The following HS3ST4 variants were observed in gnomAD, a reference collection of about 807,000 sequenced individuals.
HS3ST4 encodes heparan sulfate glucosamine 3-O-sulfotransferase 4.
Under a neutral mutation model 29.2 loss-of-function variants are expected in HS3ST4, and 17 were observed. That is an observed-to-expected ratio of 0.58 (90% CI 0.40 to 0.87). The LOEUF (loss-of-function observed/expected upper bound fraction) is 0.87. HS3ST4 is among the 40% of genes least tolerant of loss of function. HS3ST4 has a pLI of 0.00. For missense variants in HS3ST4, 627 were observed against 634.5 expected (o/e 0.99, Z 0.13); for synonymous variants, 314 against 285.7 (o/e 1.10, Z -1.00).
chr16:25,711,799 G>T (rs1420373418), intron 1 of HS3ST4, among the ~76,000 whole-genome samples: 1 of 152,172 alleles, frequency 6.6e-6, no homozygotes, highest in East Asian at 1.9e-4. Context: ...TTTATTTATT[G>T]CTTCATTTTT....
rs561094295 is a variant in HS3ST4, at chr16:25,991,838, G to A, written c.735-143774G>A. Among the ~76,000 whole-genome samples the A allele has an allele frequency of 1.2e-4, 18 of 152,270 alleles. No individual in the cohort carries two copies. In the South Asian group the frequency reaches 3.3e-3, roughly 28 times the overall value. The stretch of plus-strand genomic sequence containing the variant: ...AGATCAAGACCATCCTGGCTAACAC[G>A]GTGAAACCCCGTCTCTACTAAAAAT... On this transcript the variant is annotated intron_variant, in intron 1 of 1. Coordinates refer to ENST00000331351, the MANE Select transcript of HS3ST4 (RefSeq NM_006040.3).
intron 1 of HS3ST4, among the ~76,000 whole-genome samples, chr16:25,873,719 T>G (rs1166013959): frequency 2.0e-5 from 3 of 151,402 alleles, no homozygotes; most frequent in African/African-American, 7.3e-5. Flanking sequence ...TGTCCATCTA[T>G]CCATCCATCC....
At chr16:25,953,157 T>G (rs1968697716) in intron 1 of HS3ST4, among the ~76,000 whole-genome samples, 1 of 152,146 alleles carries the variant, frequency 6.6e-6, no homozygotes, top group Non-Finnish European at 1.5e-5. Flanking sequence ...CTCCCAGGAT[T>G]GGAGAGAGTG....
intron 1 of HS3ST4, among the ~76,000 whole-genome samples, chr16:26,039,969 T>G (rs967484832): frequency 3.3e-5 from 5 of 152,308 alleles, no homozygotes; most frequent in African/African-American, 1.2e-4. Context: ...AGTCTCTCAG[T>G]GCAGACATAT....
chr16:25,942,563 C>T (rs1968582182), intron 1 of HS3ST4, among the ~76,000 whole-genome samples: 1 of 151,484 alleles, frequency 6.6e-6, no homozygotes, highest in African/African-American at 2.4e-5. Context: ...TTCCTTAGGT[C>T]CTTGAGGCCT....
intron 1 of HS3ST4, 109 bp downstream of exon 1, chr16:25,693,260 A>G (rs1196367193): frequency 1.9e-5 from 23 of 1,241,342 alleles, no homozygotes; most frequent in Admixed American, 3.3e-5. Context: ...CGAGAGGCCC[A>G]AGCCCCCGCG....
intron 1 of HS3ST4, among the ~76,000 whole-genome samples, chr16:25,968,945 G>A (rs764552693): frequency 1.8e-4 from 28 of 152,016 alleles, no homozygotes; most frequent in African/African-American, 4.6e-4. Context: ...TCAACCTCCC[G>A]AGTAGCTGGG....
intron 1 of HS3ST4, among the ~76,000 whole-genome samples, chr16:25,958,240 A>C (rs559166982): frequency 4.0e-4 from 61 of 152,334 alleles, no homozygotes; most frequent in Non-Finnish European, 8.2e-4. Context: ...TTTGCTGCGT[A>C]AGAAATCACC....
chr16:26,001,133 T>TACAATATTGACATATTTACAA (rs1474117224), intron 1 of HS3ST4, among the ~76,000 whole-genome samples: 1 of 152,178 alleles, frequency 6.6e-6, no homozygotes, highest in African/African-American at 2.4e-5. Context: ...ATGTCATATT[T>TACAATATTGACATATTTACAA]TAAGTCAATT....
intron 1 of HS3ST4, among the ~76,000 whole-genome samples, chr16:25,865,731 C>T (rs72780749): frequency 0.13 from 20,339 of 152,060 alleles, 1,479 homozygotes; most frequent in East Asian, 0.26. Context: ...GAAAGGACAG[C>T]CTCTTCATTG....
intron 1 of HS3ST4, among the ~76,000 whole-genome samples, chr16:25,785,847 G>GGGCA (rs1966856995): frequency 6.6e-6 from 1 of 152,166 alleles, no homozygotes; most frequent in African/African-American, 2.4e-5. Context: ...GGGCGGTGCA[G>GGGCA]GGCAGGCAGG....
chr16:25,724,049 G>C (rs1313816701), intron 1 of HS3ST4, among the ~76,000 whole-genome samples: 2 of 150,732 alleles, frequency 1.3e-5, no homozygotes, highest in Non-Finnish European at 2.9e-5. Flanking sequence ...AGGAGGTGGA[G>C]GTTGCAGAGA....
At chr16:25,897,160 A>G (rs1381352124) in intron 1 of HS3ST4, among the ~76,000 whole-genome samples, 1 of 152,096 alleles carries the variant, frequency 6.6e-6, no homozygotes, top group African/African-American at 2.4e-5. Context: ...TAAAAGTTGA[A>G]AAAAATACTG....
At chr16:25,718,871 A>G (rs770442907) in intron 1 of HS3ST4, among the ~76,000 whole-genome samples, 1 of 152,238 alleles carries the variant, frequency 6.6e-6, no homozygotes, top group Non-Finnish European at 1.5e-5. Flanking sequence ...GTATATGCTG[A>G]TAAGAGAAGG....
At chr16:25,826,061 AG>A (rs1231285342) in intron 1 of HS3ST4, 2 of 152,246 alleles carry the variant, frequency 1.3e-5, no homozygotes, top group Admixed American at 1.3e-4. Flanking sequence ...GCTGAGTCTT[AG>A]GATCTCATCC....
At chr16:25,962,159 C>A (rs1427356092) in intron 1 of HS3ST4, among the ~76,000 whole-genome samples, 2 of 151,972 alleles carry the variant, frequency 1.3e-5, no homozygotes, top group Non-Finnish European at 2.9e-5. Context: ...TTGTATACAC[C>A]CAGGGAGAAA....
chr16:26,097,580 A>G (rs1024494548), intron 1 of HS3ST4, among the ~76,000 whole-genome samples: 3 of 152,208 alleles, frequency 2.0e-5, no homozygotes, highest in Admixed American at 2.0e-4. Flanking sequence ...ACAAAAATTA[A>G]TTCAAGATGG....
intron 1 of HS3ST4, among the ~76,000 whole-genome samples, chr16:25,994,170 A>G (rs1456391233): frequency 6.6e-6 from 1 of 152,146 alleles, no homozygotes; most frequent in Non-Finnish European, 1.5e-5. Flanking sequence ...TCAAATTTGA[A>G]TCATGGGGAG....
intron 1 of HS3ST4, among the ~76,000 whole-genome samples, chr16:26,037,411 C>T (rs147869567): frequency 1.5e-4 from 23 of 152,312 alleles, no homozygotes; most frequent in Non-Finnish European, 3.2e-4. Flanking sequence ...CTGTGGTCCA[C>T]TGATCTTCAG....
Sources: gnomAD v4.1 joint callset for allele counts (sites outside exome capture counted in the v4.1 genomes callset) on GRCh38, gnomAD v4.1.1 for gene constraint, MANE v1.5 for transcripts, NCBI Gene and HGNC (gene_info 2026-07-23, HGNC 2026-07-21) for gene names.